Variants in TENM3 observed in about 807,000 individuals in gnomAD.
The protein encoded by TENM3 is teneurin transmembrane protein 3.
TENM3 carries 63 observed loss-of-function variants against 255.1 expected under a neutral mutation model. The ratio of observed to expected loss-of-function variants is 0.25; its 90% CI spans 0.20 to 0.30. The LOEUF (loss-of-function observed/expected upper bound fraction) is 0.30. Among genes scored for constraint, TENM3 ranks in the 10% least tolerant of loss-of-function variants. TENM3 has a pLI of 1.00. For missense variants in TENM3, 2,929 were observed against 3,461.1 expected, an observed-to-expected ratio of 0.85 and a Z score of 3.86; for synonymous variants, 1,306 against 1,322.3, an observed-to-expected ratio of 0.99 and a Z score of 0.27.
In TENM3 at chr4:182,800,149, G is replaced by T; in HGVS notation, c.7898G>T (p.Trp2633Leu). The change falls in exon 28 of 28, where the codon TGG becomes TTG. Residue 2633 changes from tryptophan to leucine, a missense_variant. Around this residue, in one of 6 missense-constraint regions of TENM3, gnomAD observed 476 missense variants for 480.1 expected, o/e 0.99. Coordinates refer to ENST00000511685, the MANE Select transcript of TENM3 (RefSeq NM_001080477.4). ...QARQRALARA[W>L]AREQQRVRDG... ...CGGCAGCGCGCGCTCGCCCGGGCCT[G>T]GGCGCGCGAGCAGCAGCGCGTGCGC... 1 of 1,451,210 alleles carries T rather than the reference G, an allele frequency of 6.9e-7. No individual in the cohort carries two copies. The highest frequency in any genetic ancestry group is 1.4e-5 in the South Asian group (1 of 71,240). 89.9% of individuals were successfully genotyped at this position (1,451,210 alleles called of 1,614,324 possible). A position where few individuals can be genotyped will look rare whatever the true frequency, so the allele number is the denominator to read the frequency against.
chr4:181,891,449 C>T, the TENM3 span, among the ~76,000 whole-genome samples: 1 of 152,126 alleles, frequency 6.6e-6, no homozygotes, highest in Non-Finnish European at 1.5e-5. Flanking sequence ...TACCGTGATT[C>T]CCTCCTTCAC....
chr4:182,791,960 C>T (rs1049841015), intron 25 of TENM3, among the ~76,000 whole-genome samples: 1 of 152,142 alleles, frequency 6.6e-6, no homozygotes, highest in Non-Finnish European at 1.5e-5. Flanking sequence ...CAGCTTTGAT[C>T]ATGCCTGTAT....
the TENM3 span, among the ~76,000 whole-genome samples, chr4:182,061,093 G>T: frequency 6.6e-6 from 1 of 152,136 alleles, no homozygotes; most frequent in Non-Finnish European, 1.5e-5. Context: ...CCTTTACTGG[G>T]GTTGTTCTGA....
intron 3 of TENM3, among the ~76,000 whole-genome samples, chr4:182,480,423 G>C (rs1734082697): frequency 6.6e-6 from 1 of 151,982 alleles, no homozygotes; most frequent in Non-Finnish European, 1.5e-5. Flanking sequence ...AACACAGCAG[G>C]CCAGTTTTCT....
chr4:182,455,985 G>A (rs1324918498), intron 3 of TENM3, among the ~76,000 whole-genome samples: 6 of 152,142 alleles, frequency 3.9e-5, no homozygotes, highest in African/African-American at 1.4e-4. Context: ...CCCCCACTAG[G>A]GGGACAGGTT....
At chr4:181,557,031 C>A in the TENM3 span, among the ~76,000 whole-genome samples, 4 of 152,078 alleles carry the variant, frequency 2.6e-5, no homozygotes, top group Non-Finnish European at 4.4e-5. Flanking sequence ...GAAATTTTGA[C>A]ACTAATGTTA....
chr4:181,878,297 A>C, the TENM3 span, among the ~76,000 whole-genome samples: 3 of 151,394 alleles, frequency 2.0e-5, no homozygotes, highest in Admixed American at 6.6e-5. Context: ...GGTTGATAGA[A>C]AAATGGGGGG....
Position 182,324,898 on chromosome 4 carries a change from T to G in TENM3, c.232+646T>G, listed in dbSNP as rs572240905. ...TATCTGTTGAACATTTTTACACTGT[T>G]TTTGGCCTGAGGATGCTCCCAGTGG... On this transcript the variant is annotated intron_variant, in intron 2 of 27. Transcript: ENST00000511685. Among the ~76,000 whole-genome samples, 4 of 152,310 alleles carry G rather than the reference T, an allele frequency of 2.6e-5. No homozygotes were observed. The East Asian group carries it at 7.7e-4, about 29-fold the overall frequency.
intron 2 of TENM3, among the ~76,000 whole-genome samples, chr4:182,324,745 T>C (rs1319816736): frequency 2.6e-5 from 4 of 152,240 alleles, no homozygotes; most frequent in Non-Finnish European, 4.4e-5. Context: ...CTCTGTCTGA[T>C]TCACACAAAA....
the TENM3 span, among the ~76,000 whole-genome samples, chr4:181,598,643 G>A: frequency 2.0e-5 from 3 of 149,964 alleles, no homozygotes; most frequent in African/African-American, 7.4e-5. Context: ...ATGATCAAAA[G>A]CCCAATGTTT....
intron 3 of TENM3, among the ~76,000 whole-genome samples, chr4:182,373,647 C>T (rs1766992291): frequency 6.6e-6 from 1 of 152,162 alleles, no homozygotes; most frequent in South Asian, 2.1e-4. Context: ...ACACCTCCCA[C>T]ACGGCTCCAC....
chr4:181,745,138 C>T, the TENM3 span, among the ~76,000 whole-genome samples: 19 of 152,082 alleles, frequency 1.2e-4, no homozygotes, highest in Non-Finnish European at 2.5e-4. Flanking sequence ...CAGGATTCTG[C>T]AGAGTAGCCA....
At chr4:182,259,982 G>A (rs1360897692) in intron 1 of TENM3, among the ~76,000 whole-genome samples, 3 of 152,106 alleles carry the variant, frequency 2.0e-5, no homozygotes, top group Non-Finnish European at 4.4e-5. Context: ...GAGAGAGAAT[G>A]TGGAGCATCG....
chr4:181,941,717 T>A, the TENM3 span, among the ~76,000 whole-genome samples: 2 of 152,206 alleles, frequency 1.3e-5, no homozygotes, highest in Non-Finnish European at 2.9e-5. Context: ...AGTTTTGTTG[T>A]TGTTGCTGTG....
In TENM3 at chr4:182,792,683, T is replaced by C; in HGVS notation, c.6011T>C (p.Ile2004Thr). The C allele has an allele frequency of 6.2e-7, 1 of 1,613,936 alleles. No homozygotes were observed. The highest frequency in any genetic ancestry group is 1.1e-5 in the South Asian group (1 of 91,072). Residue 2004 changes from isoleucine to threonine, a missense_variant, in exon 26 of 28, where the codon ATT (isoleucine) becomes ACT (threonine). By Grantham distance (89) the Ile-to-Thr change is moderately conservative. This residue lies in a region of TENM3 where 303 missense variants were observed against 425.2 expected (regional missense o/e 0.71). Transcript: ENST00000511685. The surrounding 1 kb of genome is among the most constrained non-coding windows in gnomAD (Gnocchi z 6.3). Reference protein sequence around the residue: ...RQIGPLIDRQIFRFSEDGMVN... With the variant: ...RQIGPLIDRQTFRFSEDGMVN... ...ATTGGTCCCCTGATTGACAGGCAGA[T>C]TTTCCGCTTTAGTGAAGATGGGATG...
At chr4:182,407,676 A>C (rs58164030) in intron 3 of TENM3, among the ~76,000 whole-genome samples, 3,300 of 152,338 alleles carry the variant, frequency 0.022, 115 homozygotes, top group African/African-American at 0.074. Flanking sequence ...TATTAAAGCT[A>C]TAAAGAATGA....
chr4:182,523,250 T>C (rs77981396), intron 3 of TENM3, among the ~76,000 whole-genome samples: 5,982 of 152,042 alleles, frequency 0.039, 226 homozygotes, highest in East Asian at 0.11. Flanking sequence ...TAATGCTTAA[T>C]TGAGACCTCC....
the TENM3 span, among the ~76,000 whole-genome samples, chr4:181,824,268 ATTTT>A: frequency 6.9e-6 from 1 of 145,036 alleles, no homozygotes. Flanking sequence ...CACCTGGCTA[ATTTT>A]TTTTTTTTTT....
rs114170536 is a variant in TENM3 at position 182,296,935 on chromosome 4, C to T, written c.-75-27011C>T. ...AATAAAACATAGATTTCCATTGATT[C>T]GGAAGGGAAAGAAGATACTAGAACG... On this transcript the variant is annotated intron_variant, in intron 1 of 27. Coordinates refer to ENST00000511685, the MANE Select transcript of TENM3 (RefSeq NM_001080477.4). Among the ~76,000 whole-genome samples the T allele has an allele frequency of 6.6e-5, 10 of 152,038 alleles. No homozygotes were observed. In the East Asian group the frequency reaches 1.4e-3, roughly 21 times the overall value.
Sources: gnomAD v4.1 joint callset for allele counts (sites outside exome capture counted in the v4.1 genomes callset) on GRCh38, gnomAD v4.1.1 for gene constraint, gnomAD v4.1.1 regional missense constraint, Gnocchi (gnomAD v3.1) non-coding constraint, MANE v1.5 for transcripts, NCBI Gene and HGNC (gene_info 2026-07-23, HGNC 2026-07-21) for gene names.